Variants in HOOK3 observed in about 807,000 individuals in gnomAD.
HOOK3 encodes protein Hook homolog 3.
HOOK3 carries 24 observed loss-of-function variants against 116.3 expected under a neutral mutation model. The observed-to-expected ratio is 0.21, with a 90% CI of 0.15 to 0.29. HOOK3 has a LOEUF of 0.29. HOOK3 is among the 10% of genes least tolerant of loss of function. HOOK3 has a pLI of 1.00. For missense variants in HOOK3, 632 were observed against 830.2 expected (o/e 0.76, Z 2.93); for synonymous variants, 275 against 283.0 (o/e 0.97, Z 0.28).
chr8:43,005,110 T>C (rs933734442), intron 17 of HOOK3, among the ~76,000 whole-genome samples: 3 of 150,308 alleles, frequency 2.0e-5, no homozygotes, highest in African/African-American at 5.0e-5. Flanking sequence ...ACATAGTGTT[T>C]AGTGAAAGAT....
chr8:42,962,044 C>T (rs1474963626), intron 8 of HOOK3, among the ~76,000 whole-genome samples: 1 of 151,980 alleles, frequency 6.6e-6, no homozygotes, highest in African/African-American at 2.4e-5. Context: ...ACCTCCGTCT[C>T]CCAAAGTGCT....
At chr8:42,911,078 C>T (rs946852629) in intron 2 of HOOK3, among the ~76,000 whole-genome samples, 1 of 152,122 alleles carries the variant, frequency 6.6e-6, no homozygotes, top group Admixed American at 6.5e-5. Context: ...GTGGTTACTG[C>T]ACAGAGAGGG....
At chr8:42,898,039 G>T (rs1286505874) in intron 1 of HOOK3, among the ~76,000 whole-genome samples, 1 of 152,232 alleles carries the variant, frequency 6.6e-6, no homozygotes, top group Non-Finnish European at 1.5e-5. Context: ...ATGTGTTTAT[G>T]AAGGCTACTA....
intron 8 of HOOK3, among the ~76,000 whole-genome samples, chr8:42,960,606 C>T (rs546922658): frequency 6.6e-6 from 1 of 152,338 alleles, no homozygotes; most frequent in African/African-American, 2.4e-5. Context: ...TGATGGCTTT[C>T]ATCTTAACCA....
intron 4 of HOOK3, among the ~76,000 whole-genome samples, chr8:42,932,216 C>T (rs368421093): frequency 6.6e-6 from 1 of 151,978 alleles, no homozygotes; most frequent in Admixed American, 6.6e-5. Context: ...CATATGAATG[C>T]GAACATAGGG....
intron 1 of HOOK3, among the ~76,000 whole-genome samples, chr8:42,904,768 CCT>C (rs961938370): frequency 1.3e-5 from 2 of 152,100 alleles, no homozygotes; most frequent in African/African-American, 4.8e-5. Flanking sequence ...TTAATTCTCC[CCT>C]GTTCTGTTTC....
chr8:42,900,684 C>T (rs1437301465), intron 1 of HOOK3, among the ~76,000 whole-genome samples: 1 of 152,214 alleles, frequency 6.6e-6, no homozygotes, highest in Non-Finnish European at 1.5e-5. Flanking sequence ...AGAGTACATA[C>T]AGGTTCTGAC....
chr8:42,953,466 A>T (rs1260223099), intron 6 of HOOK3, among the ~76,000 whole-genome samples: 1 of 151,666 alleles, frequency 6.6e-6, no homozygotes. Flanking sequence ...TGGGTGGCTG[A>T]GGCAGGAGAA....
rs772621047 is a variant in HOOK3 at position 43,018,485 on chromosome 8, C to G, written c.2144C>G (p.Ala715Gly). 6.2e-7 allele frequency: 1 copy of G among 1,611,388 alleles called. No homozygotes were observed. ...RRSYPGHVQP[A>G]TAR The stretch of plus-strand genomic sequence containing the variant: ...TCATACCCAGGCCACGTGCAGCCGG[C>G]CACAGCAAGGTAGAGAAGTTGTGCC... The change falls in exon 22 of 22, where the codon GCC (alanine) becomes GGC (glycine). Residue 715 changes from alanine to glycine, a missense_variant. Ala to Gly is a moderately conservative substitution (Grantham distance 60). Around this residue, in one of 3 missense-constraint regions of HOOK3, gnomAD observed 483 missense variants for 648.1 expected, o/e 0.75. Transcript: ENST00000307602.
chr8:42,902,466 T>G (rs1807210830), intron 1 of HOOK3, among the ~76,000 whole-genome samples: 1 of 151,966 alleles, frequency 6.6e-6, no homozygotes, highest in South Asian at 2.1e-4. Flanking sequence ...GAGACAGAAT[T>G]TTGCCATGTT....
chr8:43,000,131 G>C (rs987544947), intron 16 of HOOK3: 1 of 490,856 alleles, frequency 2.0e-6, no homozygotes, highest in Non-Finnish European at 3.6e-6. Flanking sequence ...CTGGGCAACA[G>C]AGCGAGACTC....
intron 16 of HOOK3, among the ~76,000 whole-genome samples, chr8:43,001,397 A>T (rs551838673): frequency 3.7e-4 from 56 of 152,306 alleles, no homozygotes; most frequent in Non-Finnish European, 6.3e-4. Context: ...TGAATTAATT[A>T]TATAACCATT....
intron 5 of HOOK3, among the ~76,000 whole-genome samples, chr8:42,947,714 A>G (rs1192546452): frequency 1.3e-5 from 2 of 152,206 alleles, no homozygotes; most frequent in African/African-American, 4.8e-5. Context: ...TATTTATGGT[A>G]TATAATGTAA....
intron 15 of HOOK3, among the ~76,000 whole-genome samples, chr8:42,992,090 G>C (rs773488007): frequency 1.3e-5 from 2 of 152,004 alleles, no homozygotes; most frequent in Admixed American, 6.6e-5. Flanking sequence ...ATTGTTTGCT[G>C]TTGGCCTATA....
At chr8:42,949,698 T>A (rs1181642092) in intron 5 of HOOK3, among the ~76,000 whole-genome samples, 2 of 152,166 alleles carry the variant, frequency 1.3e-5, no homozygotes, top group Non-Finnish European at 2.9e-5. Flanking sequence ...GGCAGGCGGA[T>A]CACGAGGTCA....
chr8:43,019,258 A>G lies in HOOK3; in HGVS notation c.*760A>G, dbSNP rs186976245. 1 of 213,258 alleles carries G rather than the reference A, an allele frequency of 4.7e-6. No homozygotes were observed. The highest frequency in any genetic ancestry group is 7.1e-5 in the East Asian group (1 of 14,018). 13.2% of individuals were successfully genotyped at this position (213,258 alleles called of 1,614,324 possible). A position where few individuals can be genotyped will look rare whatever the true frequency, so the allele number is the denominator to read the frequency against. ...AATTACAAAAGAAAAAAAATTAGAC[A>G]CTGCATTAATTTCTTGTTCTTTTGG... On this transcript the variant is annotated 3_prime_UTR_variant, in exon 22 of 22. Coordinates refer to ENST00000307602, the MANE Select transcript of HOOK3 (RefSeq NM_032410.4).
chr8:42,937,778 T>C (rs1248038693), intron 4 of HOOK3, among the ~76,000 whole-genome samples: 1 of 152,230 alleles, frequency 6.6e-6, no homozygotes, highest in Non-Finnish European at 1.5e-5. Context: ...TTCTGTTCTT[T>C]TGCATTTACT....
chr8:42,992,777 CCTTT>C (rs907596782), intron 15 of HOOK3, among the ~76,000 whole-genome samples: 1 of 150,480 alleles, frequency 6.6e-6, no homozygotes, highest in Non-Finnish European at 1.5e-5. Flanking sequence ...TTGACTTCTT[CCTTT>C]CTAATTTAGA....
chr8:42,915,065 A>T (rs1017743598), intron 2 of HOOK3, among the ~76,000 whole-genome samples: 6 of 152,248 alleles, frequency 3.9e-5, no homozygotes, highest in African/African-American at 1.2e-4. Context: ...AATTCCTTCT[A>T]ATTTTCCCTA....
Sources: allele counts gnomAD v4.1 joint callset (sites outside exome capture counted in the v4.1 genomes callset), GRCh38; gene constraint gnomAD v4.1.1; regional missense constraint gnomAD v4.1.1; transcripts MANE v1.5; gene names NCBI Gene and HGNC (gene_info 2026-07-23, HGNC 2026-07-21).